Variants in LTBP1 observed in about 807,000 individuals in gnomAD.
The protein encoded by LTBP1 is latent transforming growth factor beta binding protein 1.
A neutral mutation model predicts 207.6 loss-of-function variants in LTBP1; 129 were observed. The ratio of observed to expected loss-of-function variants is 0.62; its 90% CI spans 0.54 to 0.72. The LOEUF is 0.72. Among genes scored for constraint, LTBP1 ranks in the 30% least tolerant of loss-of-function variants. LTBP1 has a pLI of 0.00. For synonymous variants in LTBP1, 963 were observed against 833.7 expected, an observed-to-expected ratio of 1.16 and a Z score of -2.67; for missense variants, 2,281 against 2,217.2, an observed-to-expected ratio of 1.03 and a Z score of -0.58.
At chr2:33,123,859 A>C (rs1436477488) in intron 4 of LTBP1, among the ~76,000 whole-genome samples, 1 of 152,226 alleles carries the variant, frequency 6.6e-6, no homozygotes, top group Non-Finnish European at 1.5e-5. Flanking sequence ...CTTGATTACT[A>C]CTTAAAATGC....
intron 24 of LTBP1, among the ~76,000 whole-genome samples, chr2:33,341,664 T>C (rs1456374022): frequency 2.1e-5 from 3 of 144,072 alleles, no homozygotes; most frequent in Non-Finnish European, 4.5e-5. Context: ...TGAGCCGAGA[T>C]TGCGCCACTG....
chr2:33,057,364 C>T (rs183478525), intron 3 of LTBP1, among the ~76,000 whole-genome samples: 1,814 of 152,346 alleles, frequency 0.012, 10 homozygotes, highest in Non-Finnish European at 0.017. Flanking sequence ...GCTGGCTTCA[C>T]CCAGTGGGTC....
rs546170236 is a variant in LTBP1, at chr2:33,094,265, G to T, written c.864-16317G>T. ...GAGAGTCAAAATTTAGGGGATTTCT[G>T]TTTCAGTTTCCTTCTTCCCTTAAGA... On this transcript the variant is annotated intron_variant, in intron 3 of 33. Transcript: ENST00000404816. 4.3e-4 allele frequency among the ~76,000 whole-genome samples: 66 copies of T among 152,126 alleles called. No individual in the cohort carries two copies. In the South Asian group the frequency reaches 0.01, roughly 24 times the overall value.
intron 7 of LTBP1, 79 bp from the exon 8 acceptor site, chr2:33,217,473 G>A: frequency 2.2e-6 from 2 of 903,516 alleles, no homozygotes; most frequent in South Asian, 1.4e-5. Context: ...TTATAGCGTG[G>A]CTGTGAGGGA....
At chr2:33,016,435 C>T (rs1174474570) in intron 2 of LTBP1, among the ~76,000 whole-genome samples, 1 of 152,206 alleles carries the variant, frequency 6.6e-6, no homozygotes, top group Non-Finnish European at 1.5e-5. Context: ...ACTTTTCAGA[C>T]TTGGCTGTAT....
At chr2:33,369,112 G>C in intron 31 of LTBP1, among the ~76,000 whole-genome samples, 1 of 151,046 alleles carries the variant, frequency 6.6e-6, no homozygotes, top group Non-Finnish European at 1.5e-5. Flanking sequence ...AAGTAGATTA[G>C]AACAAATACA....
intron 24 of LTBP1, among the ~76,000 whole-genome samples, chr2:33,326,839 T>G (rs1459588064): frequency 6.6e-6 from 1 of 151,876 alleles, no homozygotes; most frequent in African/African-American, 2.4e-5. Context: ...TTGTATTTTC[T>G]TAGTAGGGAA....
At chr2:32,959,621 A>ATATTTTTTTTT (rs1475834284) in intron 2 of LTBP1, among the ~76,000 whole-genome samples, 12 of 36,670 alleles carry the variant, frequency 3.3e-4, no homozygotes, top group Admixed American at 1.6e-3. Context: ...ATATATATAT[A>ATATTTTTTTTT]TTTTTTTTTT....
chr2:33,092,236 G>A (rs2079141401), intron 3 of LTBP1, among the ~76,000 whole-genome samples: 1 of 152,084 alleles, frequency 6.6e-6, no homozygotes, highest in South Asian at 2.1e-4. Context: ...GAATTCCAAG[G>A]CACCCAGAGA....
At chr2:32,987,009 A>C (rs1683700875) in intron 2 of LTBP1, among the ~76,000 whole-genome samples, 1 of 152,154 alleles carries the variant, frequency 6.6e-6, no homozygotes, top group South Asian at 2.1e-4. Context: ...TGTGATGGGA[A>C]GGCAGGGCTA....
chr2:33,260,443 A>T (rs1360247912), intron 13 of LTBP1, among the ~76,000 whole-genome samples: 1 of 152,184 alleles, frequency 6.6e-6, no homozygotes, highest in African/African-American at 2.4e-5. Flanking sequence ...AAATATTTAT[A>T]CATTTATGTA....
chr2:33,351,563 G>T (rs528875821), intron 26 of LTBP1, among the ~76,000 whole-genome samples: 2 of 152,150 alleles, frequency 1.3e-5, no homozygotes, highest in Non-Finnish European at 2.9e-5. Flanking sequence ...ACTCTGAAAG[G>T]ACATCCATAT....
At position 32,959,617 on chromosome 2, in the gene LTBP1, A is replaced by ATTT. The variant is rs1373102884; in HGVS notation, c.565+10673_565+10674insTTT. Among the ~76,000 whole-genome samples, 111 of 38,522 alleles carry ATTT rather than the reference A, an allele frequency of 2.9e-3. 1 individual carries two copies. The highest frequency in any genetic ancestry group is 8.3e-3 in the African/African-American group (102 of 12,292). The allele number at this position is 38,522 out of a possible 152,430, so 25.3% of individuals were successfully genotyped here. ...TACGTGTATATATATATATATATAT[A>ATTT]TATATTTTTTTTTTTTTTTTTGAGA... On this transcript the variant is annotated intron_variant, in intron 2 of 33. Coordinates refer to ENST00000404816, the MANE Select transcript of LTBP1 (RefSeq NM_206943.4).
intron 5 of LTBP1, among the ~76,000 whole-genome samples, chr2:33,179,762 G>C (rs958584341): frequency 6.6e-6 from 1 of 152,146 alleles, no homozygotes; most frequent in South Asian, 2.1e-4. Context: ...TCCAATAGAA[G>C]ATCCTGTAGC....
intron 24 of LTBP1, among the ~76,000 whole-genome samples, chr2:33,341,729 A>AAT (rs56171359): frequency 0.014 from 1,310 of 93,178 alleles, 26 homozygotes; most frequent in South Asian, 0.024. Flanking sequence ...AAAAAAAAAA[A>AAT]ATATATATAT....
intron 26 of LTBP1, among the ~76,000 whole-genome samples, chr2:33,353,892 C>T (rs1345275695): frequency 2.7e-5 from 4 of 145,804 alleles, no homozygotes; most frequent in Non-Finnish European, 3.0e-5. Context: ...CTGAGTCTCT[C>T]TCTGTCACCC....
rs1174588815 is a variant in LTBP1 at position 33,217,603 on chromosome 2, G to C, written c.1753G>C (p.Val585Leu). Residue 585 changes from valine to leucine, a missense_variant, in exon 8 of 34, where the codon GTG becomes CTG. Around this residue, in one of 3 missense-constraint regions of LTBP1, gnomAD observed 1,671 missense variants for 1,634.8 expected, o/e 1.02. Transcript: ENST00000404816. ...LSKQEDCCGT[V>L]GTSWGFNKCQ... ...AAAGCAAGAGGACTGCTGTGGAACT[G>C]TGGGTACCTCCTGGGGCTTTAACAA... The C allele has an allele frequency of 6.2e-7, 1 of 1,613,954 alleles. No individual in the cohort carries two copies. The highest frequency in any genetic ancestry group is 8.5e-7 in the Non-Finnish European group (1 of 1,179,874).
intron 22 of LTBP1, among the ~76,000 whole-genome samples, chr2:33,304,538 G>A (rs1339644200): frequency 1.3e-5 from 2 of 152,164 alleles, no homozygotes; most frequent in African/African-American, 4.8e-5. Flanking sequence ...GCTTCTGTGC[G>A]CTACTGACTC....
intron 2 of LTBP1, among the ~76,000 whole-genome samples, chr2:32,992,797 G>A (rs1336070145): frequency 6.6e-6 from 1 of 152,126 alleles, no homozygotes; most frequent in East Asian, 1.9e-4. Flanking sequence ...GGGGGTTCAG[G>A]GTGGCGCATG....
Sources: gnomAD v4.1 joint callset for allele counts (sites outside exome capture counted in the v4.1 genomes callset) on GRCh38, gnomAD v4.1.1 for gene constraint, gnomAD v4.1.1 regional missense constraint, MANE v1.5 for transcripts, NCBI Gene and HGNC (gene_info 2026-07-23, HGNC 2026-07-21) for gene names.